The following YIPF1 variants were observed in gnomAD, a reference collection of about 807,000 sequenced individuals.
YIPF1 encodes protein YIPF1.
In YIPF1, 22 loss-of-function variants were observed where a neutral mutation model predicts 37.0. The ratio of observed to expected loss-of-function variants is 0.59; its 90% CI spans 0.42 to 0.85. The LOEUF is 0.85. Among genes scored for constraint, YIPF1 ranks in the 40% least tolerant of loss-of-function variants. The pLI is 0.00. For missense variants in YIPF1, 355 were observed against 373.1 expected (o/e 0.95, Z 0.40); for synonymous variants, 128 against 131.9 (o/e 0.97, Z 0.21).
intron 6 of YIPF1, among the ~76,000 whole-genome samples, chr1:53,876,089 G>A (rs6689665): frequency 0.43 from 64,902 of 152,038 alleles, 14,539 homozygotes; most frequent in East Asian, 0.57. Context: ...GCCAAACTGT[G>A]TATGTTTACT....
In YIPF1 at chr1:53,870,678, C is replaced by T. The variant is rs76986980; in HGVS notation, c.481+694G>A. On this transcript the variant is annotated intron_variant, in intron 7 of 10. Transcript: ENST00000072644. ...ATGCCACACAGGAGACCTTCACACA[C>T]ACCTTTAAATTATTTTGTACACTTG... Among the ~76,000 whole-genome samples the T allele has an allele frequency of 8.3e-4, 127 of 152,142 alleles. 2 individuals are homozygous for T. In the East Asian group the frequency reaches 0.02, roughly 24 times the overall value.
chr1:53,871,984 A>C lies in YIPF1; in HGVS notation c.365-496T>G, dbSNP rs569611351. 1.1e-3 allele frequency among the ~76,000 whole-genome samples: 173 copies of C among 150,806 alleles called. 1 individual carries two copies. The highest frequency in any genetic ancestry group is 3.9e-3 in the African/African-American group (161 of 41,036). On this transcript the variant is annotated intron_variant, in intron 6 of 10. Coordinates refer to ENST00000072644, the MANE Select transcript of YIPF1 (RefSeq NM_018982.5). ...CAGAGTCGATTAAACCTACCAGTTCACCACGGTTGTGTTGAGTGTCAGTGT... is the reference window on the plus strand; with the variant it reads ...CAGAGTCGATTAAACCTACCAGTTCCCCACGGTTGTGTTGAGTGTCAGTGT...
At chr1:53,881,744 C>A (rs755910559) in intron 4 of YIPF1, among the ~76,000 whole-genome samples, 4 of 152,164 alleles carry the variant, frequency 2.6e-5, no homozygotes, top group African/African-American at 9.7e-5. Flanking sequence ...AAAAGGAATG[C>A]TTTTACACTG....
chr1:53,852,094 CAT>C lies in YIPF1; in HGVS notation c.*183_*184del, dbSNP rs1649609290. The C allele has an allele frequency of 1.3e-5, 2 of 152,204 alleles. No homozygotes were observed. Among genetic ancestry groups the C allele is most frequent in the South Asian group, 4.1e-4 (2 of 4,834 alleles). The allele number at this position is 152,204 out of a possible 1,614,324, so 9.4% of individuals were successfully genotyped here. ...GGTGAAAAGGAAGAGCTGAAAGACACATGTGCTGAGCAACATTTAATTTCTGC... is the reference window on the plus strand; with the variant it reads ...GGTGAAAAGGAAGAGCTGAAAGACACGTGCTGAGCAACATTTAATTTCTGC... On this transcript the variant is annotated 3_prime_UTR_variant, in exon 11 of 11. Transcript: ENST00000072644.
intron 7 of YIPF1, among the ~76,000 whole-genome samples, chr1:53,871,012 C>CAAA (rs57949076): frequency 2.3e-4 from 15 of 65,240 alleles, no homozygotes; most frequent in Non-Finnish European, 3.5e-4. Context: ...GTCACTGTCT[C>CAAA]AAAAAAAAAA....
rs562960416 is a variant in YIPF1 at position 53,888,621 on chromosome 1, T to C, written c.31+286A>G. ...ACGGTTCTAAGCACAAAGTAAGTGC[T>C]CAATAAATGTTTTCTGAACTAAAGC... On this transcript the variant is annotated intron_variant, in intron 3 of 10. Coordinates refer to ENST00000072644, the MANE Select transcript of YIPF1 (RefSeq NM_018982.5). Among the ~76,000 whole-genome samples, 8 of 152,334 alleles carry C rather than the reference T, an allele frequency of 5.3e-5. No individual in the cohort carries two copies. In the South Asian group the frequency reaches 6.2e-4, roughly 12 times the overall value.
chr1:53,871,056 A>C (rs1268275014), intron 7 of YIPF1, among the ~76,000 whole-genome samples: 1 of 150,416 alleles, frequency 6.6e-6, no homozygotes, highest in Non-Finnish European at 1.5e-5. Flanking sequence ...TGCAGTTGCT[A>C]TTCGGCCTTG....
chr1:53,888,627 A>C (rs975307156), intron 3 of YIPF1, among the ~76,000 whole-genome samples: 2 of 152,178 alleles, frequency 1.3e-5, no homozygotes, highest in Non-Finnish European at 2.9e-5. Context: ...GTGCTCAATA[A>C]ATGTTTTCTG....
chr1:53,856,645 G>A lies in YIPF1; in HGVS notation c.*8+3411C>T, dbSNP rs534206621. ...GTTCAAACAAGAGCCCCTCTCTGAA[G>A]CTTCCCTCCAGGCCAACTCCAACTG... On this transcript the variant is annotated intron_variant, in intron 10 of 10. Coordinates refer to ENST00000072644, the MANE Select transcript of YIPF1 (RefSeq NM_018982.5). 3.1e-4 allele frequency among the ~76,000 whole-genome samples: 47 copies of A among 152,290 alleles called. No individual in the cohort carries two copies. In the South Asian group the frequency reaches 4.8e-3, roughly 15 times the overall value.
At chr1:53,860,334 T>C (rs1043832586) in intron 9 of YIPF1, among the ~76,000 whole-genome samples, 181 bp from the exon 10 acceptor site, 5 of 152,240 alleles carry the variant, frequency 3.3e-5, no homozygotes, top group African/African-American at 4.8e-5. Context: ...AAATTGTGCA[T>C]ACTTTAAAAA....
intron 9 of YIPF1, among the ~76,000 whole-genome samples, chr1:53,863,672 C>T (rs1355913947): frequency 1.1e-4 from 17 of 152,276 alleles, no homozygotes; most frequent in Non-Finnish European, 5.9e-5. Context: ...TCAGCGCCAT[C>T]TGCCCCAAAA....
In YIPF1 at chr1:53,860,201, G is replaced by A. The variant is rs17109459; in HGVS notation, c.832-48C>T. 2,586 of 1,589,814 alleles carry A rather than the reference G, an allele frequency of 1.6e-3. 40 individuals carry two copies. In the African/African-American group the frequency reaches 0.03, roughly 18 times the overall value. On this transcript the variant is annotated intron_variant, in intron 9 of 10. Coordinates refer to ENST00000072644, the MANE Select transcript of YIPF1 (RefSeq NM_018982.5). ...GAGGGAGTTAAAAAGACAGTGGTCC[G>A]GGTAAGTGTTTTTTTAGACTCCATG...
At chr1:53,882,465 T>TC (rs878946249) in intron 4 of YIPF1, among the ~76,000 whole-genome samples, 32 of 150,582 alleles carry the variant, frequency 2.1e-4, no homozygotes, top group Admixed American at 2.6e-4. Flanking sequence ...TTTTTTTTTT[T>TC]CTTTCTTCTG....
chr1:53,859,810 T>G (rs1367620961), intron 10 of YIPF1, among the ~76,000 whole-genome samples: 1 of 152,150 alleles, frequency 6.6e-6, no homozygotes, highest in Non-Finnish European at 1.5e-5. Context: ...GGAGCTCCTC[T>G]TACAGAAGAA....
chr1:53,857,416 C>G (rs1649747712), intron 10 of YIPF1, among the ~76,000 whole-genome samples: 1 of 152,218 alleles, frequency 6.6e-6, no homozygotes, highest in African/African-American at 2.4e-5. Flanking sequence ...CTAAACACCT[C>G]TAGACCCGCA....
Position 53,851,788 on chromosome 1 carries a change from C to T in YIPF1, c.*491G>A, listed in dbSNP as rs1649599924. 3 of 152,120 alleles carry T rather than the reference C, an allele frequency of 2.0e-5. No homozygotes were observed. The highest frequency in any genetic ancestry group is 2.9e-5 in the Non-Finnish European group (2 of 68,026). 9.4% of individuals were successfully genotyped at this position (152,120 alleles called of 1,614,324 possible). On this transcript the variant is annotated 3_prime_UTR_variant, in exon 11 of 11. Transcript: ENST00000072644. ...AGTTCAGCTGTCCAGTATCAGGTTA[C>T]CAAAGACAAATTTTCAAGCTCCCGG...
chr1:53,868,046 A>G (rs977210771), intron 7 of YIPF1, among the ~76,000 whole-genome samples: 3 of 152,212 alleles, frequency 2.0e-5, no homozygotes, highest in Non-Finnish European at 4.4e-5. Context: ...GGCAAGAACA[A>G]AGACACCCCT....
chr1:53,883,085 A>T, intron 4 of YIPF1, 28 bp downstream of exon 4: 2 of 1,542,374 alleles, frequency 1.3e-6, no homozygotes, highest in Non-Finnish European at 1.7e-6. Context: ...AAAATTGTTT[A>T]AAAAATATCT....
rs111793649 is a variant in YIPF1 at position 53,856,358 on chromosome 1, G to A, written c.*8+3698C>T. Among the ~76,000 whole-genome samples, 1,137 of 152,258 alleles carry A rather than the reference G, an allele frequency of 7.5e-3. 13 individuals are homozygous for A. Among genetic ancestry groups the A allele is most frequent in the African/African-American group, 0.026 (1,091 of 41,542 alleles). On this transcript the variant is annotated intron_variant, in intron 10 of 10. Coordinates refer to ENST00000072644, the MANE Select transcript of YIPF1 (RefSeq NM_018982.5). ...TGAAATAACTTAAGTCCTAGCTCAG[G>A]GGCAGGTTGAGAGAGACCCTCAACA...
Sources: gnomAD v4.1 joint callset for allele counts (sites outside exome capture counted in the v4.1 genomes callset) on GRCh38, gnomAD v4.1.1 for gene constraint, MANE v1.5 for transcripts, NCBI Gene and HGNC (gene_info 2026-07-23, HGNC 2026-07-21) for gene names.